ZNF385B: variants seen among roughly 807,000 people sequenced by gnomAD.
ZNF385B encodes the protein zinc finger protein 533.
Under a neutral mutation model 39.2 loss-of-function variants are expected in ZNF385B, and 23 were observed. The observed-to-expected ratio is 0.59, with a 90% CI of 0.42 to 0.83. ZNF385B has a LOEUF of 0.83. Among genes scored for constraint, ZNF385B ranks in the 40% least tolerant of loss-of-function variants. ZNF385B has a pLI of 0.00. For missense variants in ZNF385B, 552 were observed against 598.9 expected (o/e 0.92, Z 0.82); for synonymous variants, 205 against 222.6 (o/e 0.92, Z 0.70).
At chr2:179,770,165 A>G (rs1703932227) in intron 2 of ZNF385B, among the ~76,000 whole-genome samples, 2 of 152,096 alleles carry the variant, frequency 1.3e-5, no homozygotes, top group Non-Finnish European at 2.9e-5. Context: ...ACAAGGCAAG[A>G]TCTGGTTATA....
chr2:179,493,546 C>T (rs13016959), intron 5 of ZNF385B, among the ~76,000 whole-genome samples: 3,800 of 80,460 alleles, frequency 0.047, 12 homozygotes, highest in East Asian at 0.17. Flanking sequence ...CGTATACATA[C>T]GTGTACATGC....
At chr2:179,724,583 G>C (rs189439351) in intron 3 of ZNF385B, among the ~76,000 whole-genome samples, 59 of 152,256 alleles carry the variant, frequency 3.9e-4, no homozygotes, top group Non-Finnish European at 1.3e-4. Context: ...TTATCTAATG[G>C]AAAGCCATTC....
At chr2:179,467,862 T>C (rs1054513710) in intron 6 of ZNF385B, among the ~76,000 whole-genome samples, 1 of 151,778 alleles carries the variant, frequency 6.6e-6, no homozygotes, top group African/African-American at 2.4e-5. Flanking sequence ...TTAGGACCCA[T>C]AAAAGTTAGG....
At position 179,483,408 on chromosome 2, in the gene ZNF385B, T is replaced by TC; in HGVS notation, c.578dup (p.Ser194LysfsTer2). ...CTTTGACCTTCTTGGCATGTTTACT[T>TC]CCTTTGTAGTGGGCCTCGGCCTGGC... is the stretch of plus-strand genomic sequence containing the variant. On this transcript the variant is annotated frameshift_variant, in exon 6 of 10. Transcript: ENST00000410066. LOFTEE classifies it high-confidence loss of function. 1 of 1,614,024 alleles carries TC rather than the reference T, an allele frequency of 6.2e-7. No individual in the cohort carries two copies. The highest frequency in any genetic ancestry group is 8.5e-7 in the Non-Finnish European group (1 of 1,179,886).
At chr2:179,610,925 T>C (rs142080313) in intron 3 of ZNF385B, among the ~76,000 whole-genome samples, 5,598 of 152,294 alleles carry the variant, frequency 0.037, 145 homozygotes, top group Middle Eastern at 0.065. Flanking sequence ...GTTTATCAGT[T>C]GTACTAGTTT....
At chr2:179,816,007 C>G (rs1707041843) in intron 1 of ZNF385B, among the ~76,000 whole-genome samples, 1 of 152,030 alleles carries the variant, frequency 6.6e-6, no homozygotes, top group Non-Finnish European at 1.5e-5. Flanking sequence ...ACATATAACA[C>G]ACACACACAC....
chr2:179,687,626 C>T (rs1242319490), intron 3 of ZNF385B, among the ~76,000 whole-genome samples: 17 of 152,164 alleles, frequency 1.1e-4, no homozygotes, highest in South Asian at 2.1e-4. Context: ...TATCATAAAG[C>T]GGGTATCATG....
At chr2:179,845,052 A>C (rs1004578313) in intron 1 of ZNF385B, among the ~76,000 whole-genome samples, 1 of 152,214 alleles carries the variant, frequency 6.6e-6, no homozygotes, top group Admixed American at 6.5e-5. Flanking sequence ...ACACCATACA[A>C]GACTGATGCT....
At chr2:179,450,386 G>A (rs947167504) in intron 6 of ZNF385B, among the ~76,000 whole-genome samples, 3 of 152,096 alleles carry the variant, frequency 2.0e-5, no homozygotes, top group Non-Finnish European at 2.9e-5. Flanking sequence ...AATCTACAAC[G>A]AACTCCAACA....
intron 3 of ZNF385B, among the ~76,000 whole-genome samples, chr2:179,610,753 A>G (rs970213782): frequency 6.6e-6 from 1 of 152,106 alleles, no homozygotes; most frequent in East Asian, 1.9e-4. Context: ...TTTTCATTGT[A>G]GAGATCTTTC....
chr2:179,458,717 T>A (rs2050974834), intron 6 of ZNF385B, among the ~76,000 whole-genome samples: 1 of 152,212 alleles, frequency 6.6e-6, no homozygotes. Context: ...CAGACACTCT[T>A]AGTAAATGGA....
At chr2:179,669,190 CT>C (rs1695580931) in intron 3 of ZNF385B, among the ~76,000 whole-genome samples, 1 of 152,180 alleles carries the variant, frequency 6.6e-6, no homozygotes, top group South Asian at 2.1e-4. Context: ...CCCAGAGACT[CT>C]AGGTAACTTA....
chr2:179,573,988 T>A (rs977712511), intron 3 of ZNF385B, among the ~76,000 whole-genome samples: 3 of 152,176 alleles, frequency 2.0e-5, no homozygotes, highest in Non-Finnish European at 4.4e-5. Context: ...TCTATTTCAT[T>A]TTCTCTTTCC....
chr2:179,703,307 T>G (rs972314353), intron 3 of ZNF385B, among the ~76,000 whole-genome samples: 1 of 152,200 alleles, frequency 6.6e-6, no homozygotes, highest in Non-Finnish European at 1.5e-5. Flanking sequence ...CCCCAGAAAC[T>G]ACATGACTAG....
intron 3 of ZNF385B, among the ~76,000 whole-genome samples, chr2:179,686,602 T>C (rs1479607788): frequency 6.6e-6 from 1 of 152,106 alleles, no homozygotes; most frequent in Non-Finnish European, 1.5e-5. Flanking sequence ...GAATGACTGG[T>C]CGGCAGTTAG....
chr2:179,827,930 C>G (rs908252042), intron 1 of ZNF385B, among the ~76,000 whole-genome samples: 12 of 152,074 alleles, frequency 7.9e-5, no homozygotes, highest in Non-Finnish European at 1.0e-4. Flanking sequence ...GTTATATTTG[C>G]CTGTTTTTAA....
At chr2:179,584,518 A>G (rs1686880081) in intron 3 of ZNF385B, among the ~76,000 whole-genome samples, 1 of 152,206 alleles carries the variant, frequency 6.6e-6, no homozygotes, top group Admixed American at 6.5e-5. Context: ...TATATATTTC[A>G]TATGTGTATC....
At chr2:179,767,981 G>C (rs988034647) in intron 3 of ZNF385B, among the ~76,000 whole-genome samples, 1 of 149,428 alleles carries the variant, frequency 6.7e-6, no homozygotes, top group African/African-American at 2.5e-5. Flanking sequence ...ATGGAGTCTC[G>C]CTCTATTGCT....
chr2:179,567,813 G>T (rs1272376169), intron 3 of ZNF385B, among the ~76,000 whole-genome samples: 1 of 152,072 alleles, frequency 6.6e-6, no homozygotes, highest in East Asian at 1.9e-4. Flanking sequence ...TCCAACATAG[G>T]CTGCAAATCT....
Sources: allele counts gnomAD v4.1 joint callset (sites outside exome capture counted in the v4.1 genomes callset), GRCh38; gene constraint gnomAD v4.1.1; transcripts MANE v1.5; gene names NCBI Gene and HGNC (gene_info 2026-07-23, HGNC 2026-07-21).